PIK3AP1: variants seen among roughly 807,000 people sequenced by gnomAD.
PIK3AP1 encodes phosphoinositide 3-kinase adapter protein 1.
PIK3AP1 carries 21 observed loss-of-function variants against 88.1 expected under a neutral mutation model. The ratio of observed to expected loss-of-function variants is 0.24; its 90% CI spans 0.17 to 0.34. PIK3AP1 has a LOEUF of 0.34. PIK3AP1 is among the 10% of genes least tolerant of loss of function. PIK3AP1 has a pLI of 1.00. For synonymous variants in PIK3AP1, 398 were observed against 400.0 expected, an observed-to-expected ratio of 1.00 and a Z score of 0.06; for missense variants, 828 against 1,035.7, an observed-to-expected ratio of 0.80 and a Z score of 2.75.
chr10:96,664,876 G>T (rs1187401680), intron 2 of PIK3AP1, among the ~76,000 whole-genome samples: 1 of 151,332 alleles, frequency 6.6e-6, no homozygotes, highest in Non-Finnish European at 1.5e-5. Context: ...CAGGGCCAGG[G>T]TCCAAGCACT....
chr10:96,630,634 A>G (rs1403764770), intron 8 of PIK3AP1, among the ~76,000 whole-genome samples: 7 of 151,992 alleles, frequency 4.6e-5, no homozygotes, highest in Admixed American at 4.6e-4. Context: ...CAGAAGTTCA[A>G]GACCAGCCTG....
chr10:96,645,726 C>A (rs892728675), intron 7 of PIK3AP1, 64 bp from the exon 8 acceptor site: 91 of 1,422,328 alleles, frequency 6.4e-5, no homozygotes, highest in Non-Finnish European at 8.6e-5. Context: ...GGAACTTGGC[C>A]CCCGAAGGCA....
intron 8 of PIK3AP1, among the ~76,000 whole-genome samples, chr10:96,634,096 A>G (rs1223821295): frequency 1.3e-5 from 2 of 152,174 alleles, no homozygotes; most frequent in Non-Finnish European, 2.9e-5. Flanking sequence ...TGGTGGCCCA[A>G]AAGTGAACAC....
rs74570345 is a variant in PIK3AP1 at position 96,711,222 on chromosome 10, A to G, written c.14-1239T>C. 9.7e-3 allele frequency among the ~76,000 whole-genome samples: 1,475 copies of G among 152,362 alleles called. 25 individuals are homozygous for G. Among genetic ancestry groups the G allele is most frequent in the African/African-American group, 0.034 (1,406 of 41,578 alleles). The stretch of plus-strand genomic sequence containing the variant: ...CAGAGCCAGAACTGACACTCAGGTT[A>G]TTCCCTGGTTCCCAGTCCAGCCTCC... On this transcript the variant is annotated intron_variant, in intron 1 of 16. Transcript: ENST00000339364.
intron 14 of PIK3AP1, among the ~76,000 whole-genome samples, chr10:96,605,226 T>C (rs7091606): frequency 0.21 from 32,472 of 152,090 alleles, 3,822 homozygotes; most frequent in Admixed American, 0.32. Context: ...GGCTTTTCAG[T>C]TGGGAATTTA....
chr10:96,638,734 A>G (rs1843347034), intron 8 of PIK3AP1, among the ~76,000 whole-genome samples: 1 of 152,282 alleles, frequency 6.6e-6, no homozygotes, highest in Admixed American at 6.5e-5. Context: ...GCCCACCTGA[A>G]CACAGTCCCA....
chr10:96,664,599 C>G (rs1843736448), intron 2 of PIK3AP1, among the ~76,000 whole-genome samples: 1 of 151,976 alleles, frequency 6.6e-6, no homozygotes, highest in Admixed American at 6.6e-5. Context: ...ATAATTTTGC[C>G]CAAGAGCCCA....
At chr10:96,628,288 A>C (rs1429719025) in intron 9 of PIK3AP1, 110 bp downstream of exon 9, 19 of 923,642 alleles carry the variant, frequency 2.1e-5, no homozygotes, top group Non-Finnish European at 2.8e-5. Context: ...CATGCCATGT[A>C]TGCAGCAGCC....
rs367664652 is a variant in PIK3AP1 at position 96,597,368 on chromosome 10, CTCTCTCTCTTTCTT to C, written c.2361-1748_2361-1735del. ...CCTCCCTCCCTCCCTCTCTCTCTCT[CTCTCTCTCTTTCTT>C]TCTTTCTTTCTTTCAACAAACACTA... is the stretch of plus-strand genomic sequence containing the variant. On this transcript the variant is annotated intron_variant, in intron 16 of 16. Transcript: ENST00000339364. 4.8e-4 allele frequency among the ~76,000 whole-genome samples: 48 copies of C among 100,506 alleles called. 1 individual carries two copies. Among genetic ancestry groups the C allele is most frequent in the Admixed American group, 1.8e-3 (14 of 7,846 alleles). The allele number at this position is 100,506 out of a possible 152,430, so 65.9% of individuals were successfully genotyped here.
At position 96,593,487 on chromosome 10, in the gene PIK3AP1, C is replaced by T. The variant is rs1564946088; in HGVS notation, c.*2090G>A. 1 of 152,162 alleles carries T rather than the reference C, an allele frequency of 6.6e-6. No individual in the cohort carries two copies. The allele number at this position is 152,162 out of a possible 1,614,324, so 9.4% of individuals were successfully genotyped here. A position where few individuals can be genotyped will look rare whatever the true frequency, so the allele number is the denominator to read the frequency against. ...AAATGCTTGTTCATCAGAGAATGTA[C>T]AAAATTCTAAGTTTGGCATCCAAAA... is the stretch of plus-strand genomic sequence containing the variant. On this transcript the variant is annotated 3_prime_UTR_variant, in exon 17 of 17. Coordinates refer to ENST00000339364, the MANE Select transcript of PIK3AP1 (RefSeq NM_152309.3).
chr10:96,657,108 G>A (rs2134239575), intron 2 of PIK3AP1, among the ~76,000 whole-genome samples, 174 bp from the exon 3 acceptor site: 1 of 152,204 alleles, frequency 6.6e-6, no homozygotes, highest in East Asian at 1.9e-4. Flanking sequence ...ATGAAGACAA[G>A]CCAAACAGCA....
At chr10:96,602,970 G>A (rs1848927951) in intron 15 of PIK3AP1, among the ~76,000 whole-genome samples, 1 of 152,060 alleles carries the variant, frequency 6.6e-6, no homozygotes, top group Admixed American at 6.6e-5. Context: ...TTTGGGCCTG[G>A]GATACACAGA....
chr10:96,682,011 TATAG>T (rs199912440), intron 2 of PIK3AP1, among the ~76,000 whole-genome samples: 23,771 of 130,402 alleles, frequency 0.18, 1,856 homozygotes, highest in South Asian at 0.29. Context: ...TATATATATA[TATAG>T]AGAGAGAGAG....
chr10:96,657,610 C>T (rs190342477), intron 2 of PIK3AP1, among the ~76,000 whole-genome samples: 9 of 152,056 alleles, frequency 5.9e-5, no homozygotes, highest in Non-Finnish European at 1.2e-4. Flanking sequence ...GGGCTCTTAA[C>T]CAGAATCTGT....
chr10:96,648,699 T>C lies in PIK3AP1; in HGVS notation c.1145A>G (p.His382Arg), dbSNP rs1843493786. The part of the protein sequence containing the change: ...GHYPNTIAEK[H>R]GFRDLRQFID... ...GAACTGCCGCAGGTCCCTGAAGCCG[T>C]GTTTCTCAGCGATGGTGTTGGGGTA... is the stretch of plus-strand genomic sequence containing the variant. Residue 382 changes from histidine to arginine, a missense_variant, in exon 7 of 17, where the codon CAC becomes CGC. Transcript: ENST00000339364. 3 of 1,609,600 alleles carry C rather than the reference T, an allele frequency of 1.9e-6. No homozygotes were observed. Among genetic ancestry groups the C allele is most frequent in the Non-Finnish European group, 2.5e-6 (3 of 1,178,236 alleles).
At chr10:96,628,881 T>TACACACACAC (rs150595125) in intron 8 of PIK3AP1, among the ~76,000 whole-genome samples, 59,028 of 84,840 alleles carry the variant, frequency 0.7, 22,799 homozygotes, top group East Asian at 0.92. Flanking sequence ...TACACATATA[T>TACACACACAC]ATATATACAT....
At chr10:96,618,449 T>G (rs889560481) in intron 12 of PIK3AP1, among the ~76,000 whole-genome samples, 1 of 152,184 alleles carries the variant, frequency 6.6e-6, no homozygotes, top group Non-Finnish European at 1.5e-5. Context: ...CTCATTTCCC[T>G]TAACCTTATC....
At chr10:96,716,209 G>A (rs956612252) in intron 1 of PIK3AP1, among the ~76,000 whole-genome samples, 22 of 152,136 alleles carry the variant, frequency 1.4e-4, no homozygotes, top group African/African-American at 5.3e-4. Flanking sequence ...TTGAACCTGG[G>A]AGGCAGAGGT....
At chr10:96,651,777 T>C in intron 4 of PIK3AP1, 126 bp from the exon 5 acceptor site, 1 of 1,143,904 alleles carries the variant, frequency 8.7e-7, no homozygotes, top group Non-Finnish European at 1.2e-6. Flanking sequence ...AGAAAGATCT[T>C]GGAGGTGAGC....
Sources: allele counts gnomAD v4.1 joint callset (sites outside exome capture counted in the v4.1 genomes callset), GRCh38; gene constraint gnomAD v4.1.1; transcripts MANE v1.5; gene names NCBI Gene and HGNC (gene_info 2026-07-23, HGNC 2026-07-21).